CNOT4: variants seen among roughly 807,000 people sequenced by gnomAD.
CNOT4 encodes CCR4-associated factor 4.
A neutral mutation model predicts 73.8 loss-of-function variants in CNOT4; 8 were observed. The ratio of observed to expected loss-of-function variants is 0.11; its 90% CI spans 0.06 to 0.20. The LOEUF (loss-of-function observed/expected upper bound fraction) is 0.20. Among genes scored for constraint, CNOT4 ranks in the 10% least tolerant of loss-of-function variants. The pLI is 1.00. For synonymous variants in CNOT4, 293 were observed against 321.1 expected, an observed-to-expected ratio of 0.91 and a Z score of 0.94; for missense variants, 564 against 883.4, an observed-to-expected ratio of 0.64 and a Z score of 4.58.
At chr7:135,417,765 T>C (rs1218335350) in intron 3 of CNOT4, among the ~76,000 whole-genome samples, 2 of 152,316 alleles carry the variant, frequency 1.3e-5, no homozygotes, top group East Asian at 3.9e-4. Context: ...ACCACTTACC[T>C]TGGCACCTTC....
At chr7:135,448,923 A>C (rs1417934084) in intron 1 of CNOT4, among the ~76,000 whole-genome samples, 1 of 152,164 alleles carries the variant, frequency 6.6e-6, no homozygotes, top group African/African-American at 2.4e-5. Flanking sequence ...GAGGAAAAAA[A>C]AGAGTGAAAA....
At chr7:135,478,834 A>C (rs1473756595) in intron 1 of CNOT4, among the ~76,000 whole-genome samples, 1 of 152,226 alleles carries the variant, frequency 6.6e-6, no homozygotes, top group African/African-American at 2.4e-5. Flanking sequence ...TGGTAGAGGC[A>C]CTTTGAAGTT....
intron 1 of CNOT4, among the ~76,000 whole-genome samples, chr7:135,508,791 T>C (rs1804539805): frequency 6.6e-6 from 1 of 152,186 alleles, no homozygotes; most frequent in African/African-American, 2.4e-5. Flanking sequence ...CACAGATGAA[T>C]TCTGTATGTG....
chr7:135,448,307 G>A (rs1277235888), intron 1 of CNOT4, among the ~76,000 whole-genome samples: 1 of 152,102 alleles, frequency 6.6e-6, no homozygotes, highest in Non-Finnish European at 1.5e-5. Flanking sequence ...CACTTTGGGA[G>A]GCCGAGATGA....
intron 3 of CNOT4, 150 bp from the exon 4 acceptor site, chr7:135,415,412 T>C (rs1218535847): frequency 1.8e-6 from 1 of 562,862 alleles, no homozygotes; most frequent in Admixed American, 3.3e-5. Context: ...TAATTGCAGT[T>C]TGTGTAGCTA....
At chr7:135,458,228 TG>T (rs1763303990) in intron 1 of CNOT4, among the ~76,000 whole-genome samples, 1 of 152,154 alleles carries the variant, frequency 6.6e-6, no homozygotes, top group Non-Finnish European at 1.5e-5. Context: ...TACACTATAC[TG>T]TAGTATATCA....
intron 6 of CNOT4, among the ~76,000 whole-genome samples, chr7:135,411,291 T>C (rs1427165798): frequency 1.3e-5 from 2 of 152,070 alleles, no homozygotes; most frequent in African/African-American, 4.8e-5. Context: ...AAATAAAGTT[T>C]TACTGGAACA....
At chr7:135,430,259 T>C (rs1018686763) in intron 2 of CNOT4, among the ~76,000 whole-genome samples, 1 of 152,128 alleles carries the variant, frequency 6.6e-6, no homozygotes, top group Non-Finnish European at 1.5e-5. Context: ...AAAAAAATCT[T>C]CTGAAAATAT....
chr7:135,426,811 T>C (rs1056995608), intron 2 of CNOT4, among the ~76,000 whole-genome samples: 2 of 150,938 alleles, frequency 1.3e-5, no homozygotes, highest in South Asian at 4.2e-4. Flanking sequence ...TAATCCCAGC[T>C]ACTCAGGAGG....
intron 8 of CNOT4, among the ~76,000 whole-genome samples, chr7:135,396,329 G>C (rs1796690215): frequency 6.6e-6 from 1 of 151,920 alleles, no homozygotes; most frequent in Admixed American, 6.6e-5. Context: ...GCATTATCCA[G>C]GATGGTCTCG....
rs1804211818 is a variant in CNOT4 at position 135,504,473 on chromosome 7, T to TA, written c.-93+5415_-93+5416insT. Among the ~76,000 whole-genome samples the TA allele has an allele frequency of 6.0e-5, 4 of 67,028 alleles. 1 individual carries two copies. Among genetic ancestry groups the TA allele is most frequent in the Admixed American group, 1.4e-4 (1 of 7,076 alleles). The allele number at this position is 67,028 out of a possible 152,430, so 44.0% of individuals were successfully genotyped here. On this transcript the variant is annotated intron_variant, in intron 1 of 11. Transcript: ENST00000541284. ...ACCACATCCGGCTAATTTTTTTTTT[T>TA]TTTTTTTTTTTTTTTTATTTTTATT... is the stretch of plus-strand genomic sequence containing the variant.
At chr7:135,395,195 G>A (rs1436528940) in intron 9 of CNOT4, among the ~76,000 whole-genome samples, 1 of 151,770 alleles carries the variant, frequency 6.6e-6, no homozygotes. Context: ...CAAGACCTGG[G>A]CAGTATAGCA....
chr7:135,462,768 G>A (rs1800955303), intron 1 of CNOT4, among the ~76,000 whole-genome samples: 1 of 152,126 alleles, frequency 6.6e-6, no homozygotes, highest in African/African-American at 2.4e-5. Context: ...CAAGTCATAG[G>A]TTTCTATAGA....
In CNOT4 at chr7:135,362,998, G is replaced by A; in HGVS notation, c.2029C>T (p.Pro677Ser). 6.2e-7 allele frequency: 1 copy of A among 1,613,882 alleles called. No homozygotes were observed. The highest frequency in any genetic ancestry group is 8.5e-7 in the Non-Finnish European group (1 of 1,179,952). Residue 677 changes from proline to serine, a missense_variant, in exon 12 of 12, where the codon CCT (proline) becomes TCT (serine). Pro to Ser is a moderately conservative substitution (Grantham distance 74). Around this residue, in one of 10 missense-constraint regions of CNOT4, gnomAD observed 88 missense variants for 94.7 expected, o/e 0.93. Coordinates refer to ENST00000541284, the MANE Select transcript of CNOT4 (RefSeq NM_001190850.2). ...GAGTGGAAGCTGGAAGGGTTTGAAGGAGGAGGGTAGGGATTCCAACTGGCT... is the reference window on the plus strand; with the variant it reads ...GAGTGGAAGCTGGAAGGGTTTGAAGAAGGAGGGTAGGGATTCCAACTGGCT... ...HRASWNPYPPPSNPSSFHSPP... is the reference protein window; with the variant it reads ...HRASWNPYPPSSNPSSFHSPP...
chr7:135,479,498 C>T (rs1007363591), intron 1 of CNOT4, among the ~76,000 whole-genome samples: 7 of 151,676 alleles, frequency 4.6e-5, no homozygotes, highest in African/African-American at 1.2e-4. Flanking sequence ...CATGAGCCAC[C>T]GCGCCCATCC....
In CNOT4 at chr7:135,395,849, C is replaced by G. The variant is rs757342148; in HGVS notation, c.914G>C (p.Gly305Ala). The G allele has an allele frequency of 6.2e-7, 1 of 1,610,730 alleles. No individual in the cohort carries two copies. Among genetic ancestry groups the G allele is most frequent in the African/African-American group, 1.3e-5 (1 of 74,790 alleles). ...GATGACTGGATTGGATTTTGACAAA[C>G]CAGGTGGTGGTGAAGGCGTATCACT... The part of the protein sequence containing the change: ...SNSDTPSPPP[G>A]LSKSNPVIPI... The change falls in exon 9 of 12, where the codon GGT becomes GCT. Residue 305 changes from glycine to alanine, a missense_variant. Gly to Ala is a moderately conservative substitution (Grantham distance 60). Around this residue, in one of 10 missense-constraint regions of CNOT4, gnomAD observed 135 missense variants for 154.0 expected, o/e 0.88. Coordinates refer to ENST00000541284, the MANE Select transcript of CNOT4 (RefSeq NM_001190850.2).
intron 10 of CNOT4, among the ~76,000 whole-genome samples, chr7:135,365,686 C>A (rs1434732309): frequency 6.6e-6 from 1 of 152,112 alleles, no homozygotes; most frequent in East Asian, 1.9e-4. Context: ...AAAGGGAAAG[C>A]CCAGGGGAAG....
chr7:135,398,292 C>A, intron 7 of CNOT4, 66 bp from the exon 8 acceptor site: 1 of 813,886 alleles, frequency 1.2e-6, no homozygotes, highest in Non-Finnish European at 2.0e-6. Context: ...AAAACAAACT[C>A]CTCAAAAGAA....
chr7:135,428,618 T>C (rs1195844269), intron 2 of CNOT4, among the ~76,000 whole-genome samples: 6 of 151,960 alleles, frequency 3.9e-5, no homozygotes, highest in Non-Finnish European at 5.9e-5. Context: ...CAAAACAAAC[T>C]ATTCGCACAT....
Sources: gnomAD v4.1 joint callset for allele counts (sites outside exome capture counted in the v4.1 genomes callset) on GRCh38, gnomAD v4.1.1 for gene constraint, gnomAD v4.1.1 regional missense constraint, MANE v1.5 for transcripts, NCBI Gene and HGNC (gene_info 2026-07-23, HGNC 2026-07-21) for gene names.